CPEB3: variants seen among roughly 807,000 people sequenced by gnomAD.
The protein encoded by CPEB3 is cytoplasmic polyadenylation element binding protein 3.
CPEB3 carries 20 observed loss-of-function variants against 67.2 expected under a neutral mutation model. That is an observed-to-expected ratio of 0.30 (90% confidence interval 0.21 to 0.43). The LOEUF (loss-of-function observed/expected upper bound fraction) is 0.43, where lower values mean the gene tolerates loss of function less well. Among genes scored for constraint, CPEB3 ranks in the 20% least tolerant of loss-of-function variants. The pLI is 1.00. For synonymous variants in CPEB3, 376 were observed against 393.1 expected, an observed-to-expected ratio of 0.96 and a Z score of 0.51; for missense variants, 746 against 968.6, an observed-to-expected ratio of 0.77 and a Z score of 3.05.
intron 3 of CPEB3, among the ~76,000 whole-genome samples, chr10:92,185,144 T>G (rs1229296375): frequency 1.3e-5 from 2 of 152,260 alleles, no homozygotes; most frequent in Non-Finnish European, 2.9e-5. Flanking sequence ...CTGATGATTT[T>G]TGTATAATGT....
In CPEB3 at chr10:92,240,060, C is replaced by A; in HGVS notation, c.291G>T (p.Ala97=). 1 of 1,593,798 alleles carries A rather than the reference C, an allele frequency of 6.3e-7. No homozygotes were observed. Residue 97 remains alanine (A), a synonymous_variant, in exon 2 of 10, where the codon GCG becomes GCT. Coordinates refer to ENST00000265997, the MANE Select transcript of CPEB3 (RefSeq NM_014912.5). ...ACGGCGACAGCGACGCGCCCGGTGC[C>A]GCGGGCTCCTGAGGCGGCGGCGGCT... is the stretch of plus-strand genomic sequence containing the variant. The part of the protein sequence containing the change: ...PQQPPPPQEP[A]APGASLSPSF...
chr10:92,179,092 C>T (rs1460640711), intron 4 of CPEB3, among the ~76,000 whole-genome samples: 1 of 151,836 alleles, frequency 6.6e-6, no homozygotes, highest in African/African-American at 2.4e-5. Flanking sequence ...GCAAAATGGC[C>T]GTTTTGGTAC....
intron 4 of CPEB3, among the ~76,000 whole-genome samples, chr10:92,152,688 T>C (rs1199895833): frequency 6.6e-6 from 1 of 152,210 alleles, no homozygotes; most frequent in East Asian, 1.9e-4. Flanking sequence ...AAAAATTCCT[T>C]AATACCAAAA....
intron 3 of CPEB3, among the ~76,000 whole-genome samples, chr10:92,187,210 A>G (rs1030446649): frequency 6.6e-6 from 1 of 152,214 alleles, no homozygotes; most frequent in East Asian, 1.9e-4. Context: ...TTTTAACACC[A>G]AAGGGGTGGC....
chr10:92,076,624 G>A (rs764172092), intron 9 of CPEB3, among the ~76,000 whole-genome samples: 50 of 146,650 alleles, frequency 3.4e-4, no homozygotes, highest in Non-Finnish European at 5.6e-4. Flanking sequence ...ATGTTGCCCA[G>A]GTTGGTCTCG....
chr10:92,289,918 A>G, intron 1 of CPEB3, among the ~76,000 whole-genome samples: 1 of 102,904 alleles, frequency 9.7e-6, no homozygotes, highest in Admixed American at 1.2e-4. Flanking sequence ...GTGTGTGTGT[A>G]TGTGTGTGGT....
At chr10:92,287,134 T>A in intron 1 of CPEB3, among the ~76,000 whole-genome samples, 1 of 81,778 alleles carries the variant, frequency 1.2e-5, no homozygotes, top group Non-Finnish European at 3.3e-5. Context: ...TATCATAGAC[T>A]TTTTTTTTTT....
At chr10:92,149,494 G>T (rs1379653091) in intron 4 of CPEB3, among the ~76,000 whole-genome samples, 1 of 152,142 alleles carries the variant, frequency 6.6e-6, no homozygotes, top group East Asian at 1.9e-4. Context: ...GGCACAAAAA[G>T]AATTTTCTGC....
At chr10:92,214,894 CTGGAG>C in intron 2 of CPEB3, among the ~76,000 whole-genome samples, 1 of 152,206 alleles carries the variant, frequency 6.6e-6, no homozygotes, top group Non-Finnish European at 1.5e-5. Context: ...TGTCACCCAG[CTGGAG>C]TGCAGTGGTG....
intron 1 of CPEB3, among the ~76,000 whole-genome samples, chr10:92,271,941 T>C (rs1853325150): frequency 6.6e-6 from 1 of 152,152 alleles, no homozygotes; most frequent in African/African-American, 2.4e-5. Context: ...TAAGGAAGGG[T>C]TTTTCCTCCT....
At chr10:92,250,149 G>A (rs1213934691) in intron 1 of CPEB3, among the ~76,000 whole-genome samples, 1 of 151,338 alleles carries the variant, frequency 6.6e-6, no homozygotes, top group Admixed American at 6.6e-5. Context: ...GTGCAGTGGC[G>A]CGATCTGAGC....
intron 6 of CPEB3, among the ~76,000 whole-genome samples, chr10:92,142,399 A>T (rs947249438): frequency 6.6e-6 from 1 of 152,252 alleles, no homozygotes; most frequent in Non-Finnish European, 1.5e-5. Flanking sequence ...CACCCAAATG[A>T]ATATCACCAG....
chr10:92,147,364 G>A (rs577388119), intron 4 of CPEB3, among the ~76,000 whole-genome samples: 51 of 152,198 alleles, frequency 3.4e-4, no homozygotes, highest in African/African-American at 1.1e-3. Context: ...GCTGAGGTGG[G>A]AGGATCGCTT....
At chr10:92,089,514 C>T (rs1458108206) in intron 8 of CPEB3, among the ~76,000 whole-genome samples, 2 of 152,054 alleles carry the variant, frequency 1.3e-5, no homozygotes, top group African/African-American at 4.8e-5. Flanking sequence ...CGGCTGGGCA[C>T]GGTGGCTCAC....
chr10:92,194,338 G>A (rs769755051), intron 2 of CPEB3, among the ~76,000 whole-genome samples: 5 of 151,838 alleles, frequency 3.3e-5, no homozygotes, highest in Non-Finnish European at 5.9e-5. Flanking sequence ...TACTCAGGAA[G>A]CTGAGGCAGC....
chr10:92,120,098 C>CAAAAAAAAA (rs34785763), intron 6 of CPEB3, among the ~76,000 whole-genome samples: 18 of 45,238 alleles, frequency 4.0e-4, no homozygotes, highest in Non-Finnish European at 5.9e-4. Flanking sequence ...ACTAAAAATA[C>CAAAAAAAAA]AAAAAAAAAA....
chr10:92,220,052 G>A (rs959800117), intron 2 of CPEB3, among the ~76,000 whole-genome samples: 5 of 152,070 alleles, frequency 3.3e-5, no homozygotes, highest in East Asian at 1.9e-4. Context: ...CAGCTACTCC[G>A]GAGGCTGAGC....
intron 9 of CPEB3, among the ~76,000 whole-genome samples, chr10:92,071,453 C>G (rs193138744): frequency 4.6e-5 from 7 of 151,934 alleles, no homozygotes; most frequent in Admixed American, 4.6e-4. Context: ...CATGACTGTC[C>G]GGGAGCGGTG....
At chr10:92,271,786 T>C (rs1012711322) in intron 1 of CPEB3, among the ~76,000 whole-genome samples, 5 of 152,290 alleles carry the variant, frequency 3.3e-5, no homozygotes, top group Middle Eastern at 3.4e-3. Context: ...AGGGAGACAC[T>C]TTCTATGTAA....
Sources: allele counts gnomAD v4.1 joint callset (sites outside exome capture counted in the v4.1 genomes callset), GRCh38; gene constraint gnomAD v4.1.1; transcripts MANE v1.5; gene names NCBI Gene and HGNC (gene_info 2026-07-23, HGNC 2026-07-21).